Variants in FAM133A observed in about 807,000 individuals in gnomAD.
The protein encoded by FAM133A is protein FAM133A.
For synonymous variants in FAM133A, 65 were observed against 58.6 expected, an observed-to-expected ratio of 1.11 and a Z score of -0.50; for missense variants, 159 against 164.4, an observed-to-expected ratio of 0.97 and a Z score of 0.18.
intron 2 of FAM133A, among the ~76,000 whole-genome samples, chrX:93,679,380 C>T (rs1924943910): frequency 9.0e-6 from 1 of 111,081 alleles, no homozygotes; most frequent in South Asian, 3.8e-4. Flanking sequence ...TACAGATATA[C>T]TCAAATTAAC....
At chrX:93,701,036 C>G (rs887598434) in intron 3 of FAM133A, among the ~76,000 whole-genome samples, 7 of 111,161 alleles carry the variant, frequency 6.3e-5, no homozygotes, top group Non-Finnish European at 1.3e-4. Flanking sequence ...AGTTGTTAGA[C>G]GAGATGACAT....
At chrX:93,699,616 A>C (rs1926551990) in intron 3 of FAM133A, among the ~76,000 whole-genome samples, 1 of 111,129 alleles carries the variant, frequency 9.0e-6, no homozygotes, top group Non-Finnish European at 1.9e-5. Context: ...ATTTTTAAGC[A>C]CTTGGAAAAC....
chrX:93,693,621 A>T (rs1286959793), intron 2 of FAM133A, among the ~76,000 whole-genome samples: 1 of 111,342 alleles, frequency 9.0e-6, no homozygotes, highest in African/African-American at 3.3e-5. Flanking sequence ...CAATGTGAAG[A>T]CTATCCTAAT....
Position 93,682,656 on chromosome X carries a change from C to A in FAM133A, c.-193+7904C>A, listed in dbSNP as rs143499948. Among the ~76,000 whole-genome samples the A allele has an allele frequency of 5.4e-3, 599 of 111,336 alleles. 3 individuals carry two copies. The highest frequency in any genetic ancestry group is 0.019 in the African/African-American group (582 of 30,610). ...TTGAGACAAAGTTTTGCTCTTGTTG[C>A]CCATGCTGGAGTGCAATGGTGTGAT... On this transcript the variant is annotated intron_variant, in intron 2 of 3. Coordinates refer to ENST00000683942, the MANE Select transcript of FAM133A (RefSeq NM_001171109.2).
chrX:93,695,953 C>T (rs1926234725), intron 2 of FAM133A, among the ~76,000 whole-genome samples: 2 of 111,189 alleles, frequency 1.8e-5, no homozygotes, highest in South Asian at 3.8e-4. Flanking sequence ...CAGGAATCTG[C>T]ATTTTTAAAC....
rs182546059 is a variant in FAM133A, at chrX:93,676,688, A to T, written c.-193+1936A>T. On this transcript the variant is annotated intron_variant, in intron 2 of 3. Transcript: ENST00000683942. Reference sequence around the variant, plus strand: ...AAGGATTACAGATTACTACTTAACCACTCACACTGATCCTGGAAAAGTTTG... The same window carrying T: ...AAGGATTACAGATTACTACTTAACCTCTCACACTGATCCTGGAAAAGTTTG... Among the ~76,000 whole-genome samples the T allele has an allele frequency of 8.3e-5, 9 of 108,492 alleles. No homozygotes were observed. The East Asian group carries it at 1.7e-3, about 21-fold the overall frequency. 94.2% of individuals were successfully genotyped at this position (108,492 alleles called of 115,157 possible). A position where few individuals can be genotyped will look rare whatever the true frequency, so the allele number is the denominator to read the frequency against.
intron 2 of FAM133A, among the ~76,000 whole-genome samples, chrX:93,690,527 C>A (rs1925817010): frequency 8.9e-6 from 1 of 111,781 alleles, no homozygotes; most frequent in African/African-American, 3.2e-5. Context: ...TGAGGTCCGT[C>A]CATGTTATAG....
intron 2 of FAM133A, among the ~76,000 whole-genome samples, chrX:93,684,188 G>A (rs1170092286): frequency 9.0e-6 from 1 of 111,693 alleles, no homozygotes; most frequent in Non-Finnish European, 1.9e-5. Context: ...TAGGCAGAGA[G>A]GTGGGGGAGT....
intron 2 of FAM133A, among the ~76,000 whole-genome samples, chrX:93,685,582 A>C (rs960847862): frequency 1.7e-4 from 19 of 111,977 alleles, no homozygotes; most frequent in African/African-American, 5.8e-4. Context: ...ATTGGACCAA[A>C]GTTATTATAA....
chrX:93,676,236 A>C (rs1924682974), intron 2 of FAM133A, among the ~76,000 whole-genome samples: 1 of 111,321 alleles, frequency 9.0e-6, no homozygotes, highest in African/African-American at 3.3e-5. Context: ...CATTTTGTGA[A>C]GATGATATGT....
At chrX:93,677,625 C>G (rs1178134185) in intron 2 of FAM133A, among the ~76,000 whole-genome samples, 1 of 111,781 alleles carries the variant, frequency 8.9e-6, no homozygotes, top group Non-Finnish European at 1.9e-5. Flanking sequence ...GATCTGTTTT[C>G]TGTTCCTATA....
At chrX:93,704,464 A>G (rs1405327069) in intron 3 of FAM133A, among the ~76,000 whole-genome samples, 1 of 111,642 alleles carries the variant, frequency 9.0e-6, no homozygotes, top group Non-Finnish European at 1.9e-5. Flanking sequence ...AGATATTTGC[A>G]GAAGAGTTGA....
At chrX:93,679,304 A>G (rs1304352809) in intron 2 of FAM133A, among the ~76,000 whole-genome samples, 3 of 112,035 alleles carry the variant, frequency 2.7e-5, no homozygotes, top group Non-Finnish European at 5.6e-5. Context: ...TGGTTGTTTT[A>G]TAACATTTCA....
intron 3 of FAM133A, 28 bp from the exon 4 acceptor site, chrX:93,709,289 G>A: frequency 1.1e-6 from 1 of 873,252 alleles, no homozygotes; most frequent in South Asian, 4.6e-5. Context: ...AAGGTGATTT[G>A]TAATCATTCC....
intron 2 of FAM133A, among the ~76,000 whole-genome samples, chrX:93,688,625 CA>C (rs1322672428): frequency 2.7e-5 from 3 of 111,355 alleles, no homozygotes; most frequent in African/African-American, 3.3e-5. Context: ...TTCACTTTCT[CA>C]AAATCATTTT....
chrX:93,679,915 A>ATT (rs376335726), intron 2 of FAM133A, among the ~76,000 whole-genome samples: 1,443 of 62,218 alleles, frequency 0.023, 66 homozygotes, highest in Non-Finnish European at 0.03. Flanking sequence ...CTCCTGGCAA[A>ATT]TTTTTTTTTT....
At chrX:93,700,059 G>A (rs776495870) in intron 3 of FAM133A, among the ~76,000 whole-genome samples, 1 of 109,471 alleles carries the variant, frequency 9.1e-6, no homozygotes, top group South Asian at 3.9e-4. Flanking sequence ...ATTGAACTAG[G>A]ATTAAATCAA....
Position 93,674,685 on chromosome X carries a change from T to C in FAM133A, c.-260T>C, listed in dbSNP as rs1285953840. 1 of 111,874 alleles carries C rather than the reference T, an allele frequency of 8.9e-6. No individual in the cohort carries two copies. The highest frequency in any genetic ancestry group is 1.9e-5 in the Non-Finnish European group (1 of 53,193). 9.2% of individuals were successfully genotyped at this position (111,874 alleles called of 1,213,427 possible). ...ATTTGTTATTTTTATTTACAGGATTTTTTTTTCTGCTACAGAACAACTCCC... is the reference window on the plus strand; with the variant it reads ...ATTTGTTATTTTTATTTACAGGATTCTTTTTTCTGCTACAGAACAACTCCC... On this transcript the variant is annotated 5_prime_UTR_variant, in exon 2 of 4. Coordinates refer to ENST00000683942, the MANE Select transcript of FAM133A (RefSeq NM_001171109.2).
rs138348366 is a variant in FAM133A at position 93,685,692 on chromosome X, G to A, written c.-193+10940G>A. On this transcript the variant is annotated intron_variant, in intron 2 of 3. Transcript: ENST00000683942. ...ATTGTTCCCTTCTACACTGTCTTAC[G>A]TTCCAACCATCATTTCACTGTTTAG... 5.5e-3 allele frequency among the ~76,000 whole-genome samples: 613 copies of A among 111,830 alleles called. 3 individuals carry two copies. The highest frequency in any genetic ancestry group is 0.019 in the African/African-American group (592 of 30,812).
Sources: allele counts gnomAD v4.1 joint callset (sites outside exome capture counted in the v4.1 genomes callset), GRCh38; gene constraint gnomAD v4.1.1; transcripts MANE v1.5; gene names NCBI Gene and HGNC (gene_info 2026-07-23, HGNC 2026-07-21).